TARS3: variants seen among roughly 807,000 people sequenced by gnomAD.
TARS3 encodes threonine--tRNA ligase 2, cytoplasmic.
Under a neutral mutation model 103.5 loss-of-function variants are expected in TARS3, and 94 were observed. The observed-to-expected ratio is 0.91, with a 90% CI of 0.77 to 1.08. TARS3 has a LOEUF of 1.08. Ranked by LOEUF, TARS3 falls within the 50% of genes least tolerant of loss-of-function variation. The probability of loss-of-function intolerance (pLI) is 0.00; values close to 1 mark genes in which losing one functional copy is unlikely to be tolerated. For synonymous variants in TARS3, 416 were observed against 355.4 expected, an observed-to-expected ratio of 1.17 and a Z score of -1.92; for missense variants, 952 against 995.2, an observed-to-expected ratio of 0.96 and a Z score of 0.58.
intron 7 of TARS3, among the ~76,000 whole-genome samples, chr15:101,704,237 T>A (rs1899426223): frequency 1.3e-5 from 2 of 152,206 alleles, no homozygotes; most frequent in Admixed American, 1.3e-4. Context: ...CACGAAAATG[T>A]CATCTCTCTC....
At chr15:101,713,383 A>C (rs1025214303) in intron 4 of TARS3, among the ~76,000 whole-genome samples, 2 of 152,208 alleles carry the variant, frequency 1.3e-5, no homozygotes, top group Admixed American at 1.3e-4. Context: ...ATGCAATGGG[A>C]TGCATTAAAG....
intron 3 of TARS3, among the ~76,000 whole-genome samples, chr15:101,718,679 C>T (rs1190274860): frequency 6.6e-6 from 1 of 152,104 alleles, no homozygotes; most frequent in Non-Finnish European, 1.5e-5. Flanking sequence ...GCCTCTGCTT[C>T]ATATGATCTC....
intron 3 of TARS3, among the ~76,000 whole-genome samples, chr15:101,718,194 C>A (rs1004641057): frequency 6.6e-6 from 1 of 152,126 alleles, no homozygotes; most frequent in Admixed American, 6.5e-5. Context: ...CATGGAGAAA[C>A]GCCATCCTTA....
chr15:101,677,488 C>T (rs1168022742), intron 12 of TARS3, among the ~76,000 whole-genome samples: 1 of 146,674 alleles, frequency 6.8e-6, no homozygotes, highest in Non-Finnish European at 1.5e-5. Flanking sequence ...CATCAGCTTT[C>T]CTAGTTCTCC....
chr15:101,713,762 A>G (rs1050961222), intron 4 of TARS3, among the ~76,000 whole-genome samples: 1 of 152,234 alleles, frequency 6.6e-6, no homozygotes, highest in Admixed American at 6.5e-5. Flanking sequence ...TTCTTGTACA[A>G]TATCTACATG....
intron 10 of TARS3, among the ~76,000 whole-genome samples, chr15:101,688,440 A>G (rs1022394194): frequency 6.6e-6 from 1 of 152,168 alleles, no homozygotes; most frequent in Non-Finnish European, 1.5e-5. Context: ...CTTATCTGGA[A>G]CATTAAAAAT....
chr15:101,675,782 A>T, intron 12 of TARS3, 45 bp from the exon 13 acceptor site: 1 of 1,563,414 alleles, frequency 6.4e-7, no homozygotes, highest in Non-Finnish European at 8.7e-7. Context: ...CATCAAATTC[A>T]TTTATGTTTT....
chr15:101,699,705 G>A (rs1165580534), intron 10 of TARS3, among the ~76,000 whole-genome samples: 1 of 152,124 alleles, frequency 6.6e-6, no homozygotes, highest in Non-Finnish European at 1.5e-5. Context: ...TGGAAGATGT[G>A]TACCCCAGGT....
chr15:101,680,324 GC>G, intron 12 of TARS3, among the ~76,000 whole-genome samples: 1 of 152,308 alleles, frequency 6.6e-6, no homozygotes, highest in South Asian at 2.1e-4. Flanking sequence ...TTTCTAGGCT[GC>G]CCCTTTCCTA....
At chr15:101,665,627 T>C (rs1037883303) in intron 15 of TARS3, among the ~76,000 whole-genome samples, 1 of 152,154 alleles carries the variant, frequency 6.6e-6, no homozygotes, top group African/African-American at 2.4e-5. Flanking sequence ...AAAGCTCTCA[T>C]GTAATGTTTA....
At chr15:101,676,834 C>T (rs144419893) in intron 12 of TARS3, among the ~76,000 whole-genome samples, 32 of 149,782 alleles carry the variant, frequency 2.1e-4, no homozygotes, top group African/African-American at 7.4e-4. Flanking sequence ...CCTGGGTGCA[C>T]GTGCAGGATG....
chr15:101,709,004 A>T, intron 5 of TARS3, 94 bp from the exon 6 acceptor site: 1 of 787,846 alleles, frequency 1.3e-6, no homozygotes, highest in South Asian at 1.8e-5. Flanking sequence ...ATAAATTTGA[A>T]TCTGCTGTCT....
intron 3 of TARS3, among the ~76,000 whole-genome samples, chr15:101,716,070 G>A (rs1401432298): frequency 6.6e-6 from 1 of 151,098 alleles, no homozygotes; most frequent in African/African-American, 2.4e-5. Context: ...AGGCTGGAGT[G>A]CAGTGGTGCA....
In TARS3 at chr15:101,705,714, T is replaced by C; in HGVS notation, c.964A>G (p.Lys322Glu). 6.2e-7 allele frequency: 1 copy of C among 1,611,486 alleles called. No homozygotes were observed. The highest frequency in any genetic ancestry group is 8.5e-7 in the Non-Finnish European group (1 of 1,178,446). The change falls in exon 7 of 19, where the codon AAA (lysine) becomes GAA (glutamate). Residue 322 changes from lysine to glutamate, a missense_variant. By Grantham distance (56) the Lys-to-Glu change is moderately conservative (BLOSUM62 1). This residue lies in a region of TARS3 where 540 missense variants were observed against 631.0 expected (regional missense o/e 0.86). Coordinates refer to ENST00000335968, the MANE Select transcript of TARS3 (RefSeq NM_152334.3). ...ACGGTGGTAGTTGCAGTGTTAACTT[T>C]CTCATTCAGAATGCGGCATTTAAAT... ...NKFKCRILNEKVNTATTTVYR... is the reference protein window; with the variant it reads ...NKFKCRILNEEVNTATTTVYR...
At chr15:101,704,410 T>G (rs1899437548) in intron 7 of TARS3, among the ~76,000 whole-genome samples, 1 of 152,110 alleles carries the variant, frequency 6.6e-6, no homozygotes, top group South Asian at 2.1e-4. Context: ...ATCCCAGCAC[T>G]TTGGGAGGCC....
At chr15:101,682,743 A>G (rs548710870) in intron 12 of TARS3, among the ~76,000 whole-genome samples, 2 of 152,308 alleles carry the variant, frequency 1.3e-5, no homozygotes, top group African/African-American at 4.8e-5. Context: ...GGTAGAATTC[A>G]CCAGTAAAAC....
At chr15:101,684,294 AT>A in intron 11 of TARS3, 57 bp from the exon 12 acceptor site, 1 of 1,434,748 alleles carries the variant, frequency 7.0e-7, no homozygotes, top group Non-Finnish European at 9.3e-7. Flanking sequence ...TTAAATAATT[AT>A]CTAAATATAA....
rs1346182106 is a variant in TARS3, at chr15:101,654,472, G to A, written c.*110C>T. On this transcript the variant is annotated 3_prime_UTR_variant, in exon 19 of 19. Transcript: ENST00000335968. Reference sequence around the variant, plus strand: ...CGTCTCCTTTCTCAGCTGAGGCCATGAGTGGACCCATCAGTGGCTCCAAAG... The same window carrying A: ...CGTCTCCTTTCTCAGCTGAGGCCATAAGTGGACCCATCAGTGGCTCCAAAG... 10 of 1,137,422 alleles carry A rather than the reference G, an allele frequency of 8.8e-6. No individual in the cohort carries two copies. The highest frequency in any genetic ancestry group is 2.5e-5 in the East Asian group (1 of 39,876). 70.5% of individuals were successfully genotyped at this position (1,137,422 alleles called of 1,614,324 possible).
intron 10 of TARS3, among the ~76,000 whole-genome samples, chr15:101,700,369 G>A (rs1048404682): frequency 2.9e-4 from 44 of 152,200 alleles, no homozygotes; most frequent in African/African-American, 1.0e-3. Context: ...TCACCTGGGA[G>A]TCATGCTATA....
Sources: gnomAD v4.1 joint callset for allele counts (sites outside exome capture counted in the v4.1 genomes callset) on GRCh38, gnomAD v4.1.1 for gene constraint, gnomAD v4.1.1 regional missense constraint, MANE v1.5 for transcripts, NCBI Gene and HGNC (gene_info 2026-07-23, HGNC 2026-07-21) for gene names.